Variants in MPC2 observed in about 807,000 individuals in gnomAD.
MPC2 encodes the protein mitochondrial pyruvate carrier 2.
MPC2 carries 19 observed loss-of-function variants against 19.2 expected under a neutral mutation model. The observed-to-expected ratio is 0.99, with a 90% CI of 0.69 to 1.45. The LOEUF is 1.45. Ranked by LOEUF, MPC2 falls within the 40% of genes most tolerant of loss-of-function variation. The probability of loss-of-function intolerance (pLI) is 0.00; values close to 1 mark genes in which losing one functional copy is unlikely to be tolerated. For missense variants in MPC2, 122 were observed against 153.0 expected (o/e 0.80, Z 1.07); for synonymous variants, 61 against 54.3 (o/e 1.12, Z -0.54).
intron 1 of MPC2, 72 bp downstream of exon 1, chr1:167,936,867 T>C (rs1557862242): frequency 3.0e-5 from 19 of 642,188 alleles, no homozygotes; most frequent in Non-Finnish European, 4.6e-5. Flanking sequence ...CCTCCTCCCC[T>C]CCCCCACGCG....
rs1452138758 is a variant in MPC2 at position 167,918,044 on chromosome 1, A to C, written c.*279T>G. 7.1e-6 allele frequency: 2 copies of C among 283,570 alleles called. No homozygotes were observed. Among genetic ancestry groups the C allele is most frequent in the Non-Finnish European group, 1.3e-5 (2 of 151,988 alleles). 17.6% of individuals were successfully genotyped at this position (283,570 alleles called of 1,614,324 possible). A position where few individuals can be genotyped will look rare whatever the true frequency, so the allele number is the denominator to read the frequency against. On this transcript the variant is annotated 3_prime_UTR_variant, in exon 6 of 6. Transcript: ENST00000271373. The stretch of plus-strand genomic sequence containing the variant: ...TTCTTTTATGTACATATGTTGGCTG[A>C]CTGGAACAGAAGGAGGCAGGGGGTA...
chr1:167,929,806 T>C (rs1670858227), intron 2 of MPC2, among the ~76,000 whole-genome samples: 1 of 152,202 alleles, frequency 6.6e-6, no homozygotes, highest in African/African-American at 2.4e-5. Flanking sequence ...ATTGAGGTAT[T>C]CACTATATCC....
intron 2 of MPC2, among the ~76,000 whole-genome samples, chr1:167,925,442 C>CGTATATATATATCTAT (rs1553200802): frequency 1.2e-5 from 1 of 82,478 alleles, no homozygotes; most frequent in African/African-American, 5.1e-5. Flanking sequence ...TACATATACA[C>CGTATATATATATCTAT]ATATATATAT....
At chr1:167,924,413 T>A (rs766222505) in intron 3 of MPC2, 84 bp downstream of exon 3, 22 of 1,118,576 alleles carry the variant, frequency 2.0e-5, no homozygotes, top group Non-Finnish European at 2.7e-5. Context: ...CTAAAGTATA[T>A]CCTTCATAAA....
chr1:167,920,416 A>G lies in MPC2; in HGVS notation c.235+131T>C, dbSNP rs1670571510. 40 of 940,532 alleles carry G rather than the reference A, an allele frequency of 4.3e-5. No individual in the cohort carries two copies. The South Asian group carries it at 6.6e-4, about 16-fold the overall frequency. The allele number at this position is 940,532 out of a possible 1,614,324, so 58.3% of individuals were successfully genotyped here. On this transcript the variant is annotated intron_variant, in intron 4 of 5. Transcript: ENST00000271373. ...TCCATCCATAACTTAATAACTTCCT[A>G]GACATAATACTGTTAATTCCTTTGT...
intron 2 of MPC2, among the ~76,000 whole-genome samples, chr1:167,929,571 T>C (rs1349542222): frequency 6.6e-6 from 1 of 152,162 alleles, no homozygotes; most frequent in Non-Finnish European, 1.5e-5. Context: ...ATAAACAAAT[T>C]TAGTTGCCTT....
chr1:167,920,238 C>G (rs1392328381), intron 4 of MPC2, 148 bp from the exon 5 acceptor site: 18 of 604,366 alleles, frequency 3.0e-5, no homozygotes, highest in Middle Eastern at 4.4e-4. Flanking sequence ...GTTTCTGTAA[C>G]TTAGTGTCAC....
intron 1 of MPC2, chr1:167,936,647 G>GA: frequency 2.5e-6 from 1 of 401,230 alleles, no homozygotes; most frequent in Admixed American, 4.5e-5. Context: ...CCTCCTGTTG[G>GA]AGGGGGGCTG....
chr1:167,919,983 A>C lies in MPC2; in HGVS notation c.343T>G (p.Trp115Gly). Residue 115 changes from tryptophan to glycine, a missense_variant, in exon 5 of 6, where the codon TGG (tryptophan) becomes GGG (glycine). By Grantham distance (184) the Trp-to-Gly change is radical. Coordinates refer to ENST00000271373, the MANE Select transcript of MPC2 (RefSeq NM_001143674.4). ...AAGASQLFRI[W>G]RYNQELKAKA... is the part of the protein sequence containing the mutation. ...AAATATCTCTGGTAGGCTTACCTCC[A>C]AATACGAAAAAGCTGAGAGGCTCCT... 1 of 1,610,162 alleles carries C rather than the reference A, an allele frequency of 6.2e-7. No homozygotes were observed.
chr1:167,924,775 AT>A (rs913074506), intron 2 of MPC2, among the ~76,000 whole-genome samples: 47 of 152,036 alleles, frequency 3.1e-4, no homozygotes, highest in Admixed American at 7.9e-4. Context: ...CTGTATGCAA[AT>A]TTTTTTCAGT....
At chr1:167,936,065 G>T in intron 1 of MPC2, 167 bp from the exon 2 acceptor site, 2 of 585,550 alleles carry the variant, frequency 3.4e-6, no homozygotes, top group Non-Finnish European at 6.2e-6. Context: ...CCAGCCCCCG[G>T]TCCGCCTCCG....
At chr1:167,936,529 A>T (rs1407753417) in intron 1 of MPC2, 4 of 243,868 alleles carry the variant, frequency 1.6e-5, no homozygotes, top group South Asian at 1.4e-4. Flanking sequence ...GCCGCAGCAC[A>T]CACCAGCCTC....
At position 167,917,169 on chromosome 1, in the gene MPC2, A is replaced by G. The variant is rs990505600; in HGVS notation, c.*1154T>C. Reference sequence around the variant, plus strand: ...CACTCCACACTGAAAGTCAAATCAAATAGATAGTTAATTATTTGTAGCGTG... The same window carrying G: ...CACTCCACACTGAAAGTCAAATCAAGTAGATAGTTAATTATTTGTAGCGTG... On this transcript the variant is annotated 3_prime_UTR_variant, in exon 6 of 6. Transcript: ENST00000271373. The G allele has an allele frequency of 2.0e-5, 3 of 152,026 alleles. No individual in the cohort carries two copies. Among genetic ancestry groups the G allele is most frequent in the Admixed American group, 2.0e-4 (3 of 15,260 alleles). The allele number at this position is 152,026 out of a possible 1,614,324, so 9.4% of individuals were successfully genotyped here.
intron 3 of MPC2, among the ~76,000 whole-genome samples, chr1:167,923,389 T>C (rs562116540): frequency 2.8e-5 from 4 of 143,590 alleles, no homozygotes; most frequent in Admixed American, 6.7e-5. Context: ...AAGTGACACA[T>C]GTGACAACGT....
At chr1:167,936,227 G>A (rs1348049126) in intron 1 of MPC2, 7 of 244,596 alleles carry the variant, frequency 2.9e-5, no homozygotes, top group African/African-American at 4.7e-5. Flanking sequence ...GGGTCGAGCG[G>A]AAACCTCCTC....
chr1:167,929,113 G>A (rs886613704), intron 2 of MPC2, among the ~76,000 whole-genome samples: 1 of 151,022 alleles, frequency 6.6e-6, no homozygotes, highest in African/African-American at 2.4e-5. Flanking sequence ...AATCCCAGCC[G>A]TTTGGGAGGC....
rs572726312 is a variant in MPC2 at position 167,917,788 on chromosome 1, T to G, written c.*535A>C. On this transcript the variant is annotated 3_prime_UTR_variant, in exon 6 of 6. Coordinates refer to ENST00000271373, the MANE Select transcript of MPC2 (RefSeq NM_001143674.4). ...CATTAATCTTTACAATGATCCTATT[T>G]AAAAATCTGTAGCTGTAAAAGAATT... is the stretch of plus-strand genomic sequence containing the variant. 13 of 152,420 alleles carry G rather than the reference T, an allele frequency of 8.5e-5. No homozygotes were observed. The highest frequency in any genetic ancestry group is 2.9e-4 in the African/African-American group (12 of 41,558). 9.4% of individuals were successfully genotyped at this position (152,420 alleles called of 1,614,324 possible). A position where few individuals can be genotyped will look rare whatever the true frequency, so the allele number is the denominator to read the frequency against.
chr1:167,924,412 A>T, intron 3 of MPC2, 85 bp downstream of exon 3: 1 of 1,104,984 alleles, frequency 9.0e-7, no homozygotes, highest in Non-Finnish European at 1.3e-6. Context: ...TCTAAAGTAT[A>T]TCCTTCATAA....
At chr1:167,926,427 T>C (rs910464039) in intron 2 of MPC2, among the ~76,000 whole-genome samples, 1 of 152,232 alleles carries the variant, frequency 6.6e-6, no homozygotes, top group Non-Finnish European at 1.5e-5. Flanking sequence ...GTTTCTTCTT[T>C]GGTTAAGGTT....
Sources: gnomAD v4.1 joint callset for allele counts (sites outside exome capture counted in the v4.1 genomes callset) on GRCh38, gnomAD v4.1.1 for gene constraint, MANE v1.5 for transcripts, NCBI Gene and HGNC (gene_info 2026-07-23, HGNC 2026-07-21) for gene names.